Variants in CACNA1D observed in about 807,000 individuals in gnomAD.
CACNA1D encodes the protein voltage-dependent L-type calcium channel subunit alpha-1D.
A neutral mutation model predicts 257.1 loss-of-function variants in CACNA1D; 55 were observed. The observed-to-expected ratio is 0.21, with a 90% confidence interval of 0.17 to 0.27. The LOEUF (loss-of-function observed/expected upper bound fraction) is 0.27, where lower values mean the gene tolerates loss of function less well. CACNA1D is among the 10% of genes least tolerant of loss of function. The pLI is 1.00. For synonymous variants in CACNA1D, 980 were observed against 1,014.9 expected, an observed-to-expected ratio of 0.97 and a Z score of 0.65; for missense variants, 1,876 against 2,784.0, an observed-to-expected ratio of 0.67 and a Z score of 7.34.
chr3:53,620,948 T>C (rs2093690502), intron 3 of CACNA1D, among the ~76,000 whole-genome samples: 1 of 152,152 alleles, frequency 6.6e-6, no homozygotes, highest in Non-Finnish European at 1.5e-5. Context: ...TGGCTAGCCA[T>C]GACACTGCCA....
chr3:53,655,065 G>A (rs915980675), intron 4 of CACNA1D, among the ~76,000 whole-genome samples: 2 of 152,108 alleles, frequency 1.3e-5, no homozygotes, highest in Non-Finnish European at 2.9e-5. Flanking sequence ...GAGAACGTGT[G>A]GTATTTGGTT....
chr3:53,688,353 G>A (rs1346141854), intron 8 of CACNA1D, among the ~76,000 whole-genome samples: 1 of 152,210 alleles, frequency 6.6e-6, no homozygotes, highest in Non-Finnish European at 1.5e-5. Flanking sequence ...GTGCTGGCCC[G>A]TGTGCTTGCT....
rs1001085837 is a variant in CACNA1D, at chr3:53,653,200, A to C, written c.623+2282A>C. ...TGGGAGGCAGGGGTTGCAGTGAGCC[A>C]AAACCATGCCACTGCACTCCAACCT... On this transcript the variant is annotated intron_variant, in intron 4 of 47. Transcript: ENST00000350061. Among the ~76,000 whole-genome samples, 4 of 152,326 alleles carry C rather than the reference A, an allele frequency of 2.6e-5. No individual in the cohort carries two copies. In the East Asian group the frequency reaches 7.7e-4, roughly 29 times the overall value.
At chr3:53,607,529 G>A (rs1223815377) in intron 3 of CACNA1D, among the ~76,000 whole-genome samples, 3 of 152,230 alleles carry the variant, frequency 2.0e-5, no homozygotes, top group African/African-American at 7.2e-5. Flanking sequence ...CATTGCTGAT[G>A]TCTTCTAGAA....
intron 42 of CACNA1D, among the ~76,000 whole-genome samples, 179 bp downstream of exon 42, chr3:53,801,604 C>T (rs1341123526): frequency 6.6e-6 from 1 of 152,144 alleles, no homozygotes; most frequent in Admixed American, 6.5e-5. Context: ...ACACTCTCCA[C>T]GTGATGGACC....
At chr3:53,496,377 C>CCAGT (rs2107057228) in intron 1 of CACNA1D, among the ~76,000 whole-genome samples, 1 of 152,342 alleles carries the variant, frequency 6.6e-6, no homozygotes, top group South Asian at 2.1e-4. Flanking sequence ...CTGGCATAAT[C>CCAGT]CAGTCAGTCT....
chr3:53,714,861 A>AT (rs2094801980), intron 9 of CACNA1D, among the ~76,000 whole-genome samples: 1 of 152,128 alleles, frequency 6.6e-6, no homozygotes, highest in South Asian at 2.1e-4. Context: ...TCTTTTCTTT[A>AT]TTTTTTAAAA....
chr3:53,539,794 A>G (rs772824069), intron 3 of CACNA1D, among the ~76,000 whole-genome samples: 2 of 152,192 alleles, frequency 1.3e-5, no homozygotes, highest in Non-Finnish European at 2.9e-5. Context: ...TGTTGATGGA[A>G]AGTGATATCT....
chr3:53,595,887 A>G (rs1203919976), intron 3 of CACNA1D, among the ~76,000 whole-genome samples: 1 of 152,192 alleles, frequency 6.6e-6, no homozygotes, highest in East Asian at 1.9e-4. Flanking sequence ...ACAGATGGGC[A>G]GGGCAGGAGG....
chr3:53,560,516 G>A (rs778598176), intron 3 of CACNA1D, among the ~76,000 whole-genome samples: 13 of 152,086 alleles, frequency 8.5e-5, no homozygotes, highest in Non-Finnish European at 1.6e-4. Context: ...GATAAAATAA[G>A]CTTAAATTTT....
chr3:53,559,334 C>T (rs2107626701), intron 3 of CACNA1D, among the ~76,000 whole-genome samples: 1 of 152,104 alleles, frequency 6.6e-6, no homozygotes, highest in East Asian at 1.9e-4. Context: ...GGGTTGGTGT[C>T]TTTTGATTGT....
chr3:53,504,153 A>G (rs1165255135), intron 3 of CACNA1D, among the ~76,000 whole-genome samples: 1 of 151,590 alleles, frequency 6.6e-6, no homozygotes, highest in African/African-American at 2.4e-5. Context: ...CTTATTTTTC[A>G]TCTGTAGTAA....
intron 40 of CACNA1D, chr3:53,797,798 A>T (rs1362338217): frequency 6.6e-6 from 1 of 152,228 alleles, no homozygotes; most frequent in Non-Finnish European, 1.5e-5. Flanking sequence ...ACCTAGTCCA[A>T]TCAGTTGAAT....
At chr3:53,509,230 G>T (rs2091001877) in intron 3 of CACNA1D, among the ~76,000 whole-genome samples, 1 of 152,108 alleles carries the variant, frequency 6.6e-6, no homozygotes, top group South Asian at 2.1e-4. Context: ...GCTGAAGATG[G>T]GATGAAGGAG....
At chr3:53,724,184 A>G (rs1323788541) in intron 14 of CACNA1D, among the ~76,000 whole-genome samples, 185 bp downstream of exon 14, 1 of 152,186 alleles carries the variant, frequency 6.6e-6, no homozygotes, top group African/African-American at 2.4e-5. Context: ...CCAGCTGTCT[A>G]TCTTAAGTGA....
intron 3 of CACNA1D, among the ~76,000 whole-genome samples, chr3:53,577,048 G>C (rs1226659520): frequency 6.6e-6 from 1 of 152,196 alleles, no homozygotes; most frequent in Non-Finnish European, 1.5e-5. Context: ...CGGAGCTGTA[G>C]AGCCTCTGGT....
At chr3:53,619,712 C>T (rs1425401902) in intron 3 of CACNA1D, among the ~76,000 whole-genome samples, 1 of 152,216 alleles carries the variant, frequency 6.6e-6, no homozygotes, top group African/African-American at 2.4e-5. Context: ...AACTGGCCAC[C>T]AGTCCAGAGT....
At chr3:53,603,947 G>T (rs767699624) in intron 3 of CACNA1D, among the ~76,000 whole-genome samples, 1 of 152,208 alleles carries the variant, frequency 6.6e-6, no homozygotes, top group Non-Finnish European at 1.5e-5. Context: ...CTAACAGTTG[G>T]TTATATTTAA....
chr3:53,703,700 G>A (rs987519666), intron 9 of CACNA1D, among the ~76,000 whole-genome samples: 3 of 152,226 alleles, frequency 2.0e-5, no homozygotes, highest in Admixed American at 6.5e-5. Context: ...CCGGCCCTAC[G>A]TTGTAGAAGA....
Sources: allele counts gnomAD v4.1 joint callset (sites outside exome capture counted in the v4.1 genomes callset), GRCh38; gene constraint gnomAD v4.1.1; transcripts MANE v1.5; gene names NCBI Gene and HGNC (gene_info 2026-07-23, HGNC 2026-07-21).